Variants in GNB1 observed in about 807,000 individuals in gnomAD.
GNB1 encodes the protein guanine nucleotide-binding protein G(I)/G(S)/G(T) subunit beta-1.
In GNB1, 2 loss-of-function variants were observed where a neutral mutation model predicts 42.9. That is an observed-to-expected ratio of 0.05 (90% confidence interval 0.02 to 0.15). The LOEUF (loss-of-function observed/expected upper bound fraction) is 0.15. Ranked by LOEUF, GNB1 falls within the 10% of genes least tolerant of loss-of-function variation. The pLI, the probability that GNB1 is intolerant of heterozygous loss-of-function variation, is 1.00. For missense variants in GNB1, 193 were observed against 462.2 expected, an observed-to-expected ratio of 0.42 and a Z score of 5.34; for synonymous variants, 183 against 174.7, an observed-to-expected ratio of 1.05 and a Z score of -0.38.
chr1:1,793,102 CTA>C, intron 8 of GNB1, 141 bp downstream of exon 8: 1 of 498,450 alleles, frequency 2.0e-6, no homozygotes. Context: ...CACATTGCTA[CTA>C]TGTGTTTTAA....
chr1:1,823,383 T>G (rs960819570), intron 3 of GNB1, among the ~76,000 whole-genome samples: 3 of 152,150 alleles, frequency 2.0e-5, no homozygotes, highest in Non-Finnish European at 4.4e-5. Flanking sequence ...ACTTTGCTTT[T>G]CTTTTTTACT....
At chr1:1,870,376 A>G (rs1251666828) in intron 1 of GNB1, among the ~76,000 whole-genome samples, 1 of 152,198 alleles carries the variant, frequency 6.6e-6, no homozygotes, top group East Asian at 1.9e-4. Flanking sequence ...GTCTCACTAC[A>G]TTGTGCCCAG....
chr1:1,842,449 A>C (rs1647281833), intron 1 of GNB1, among the ~76,000 whole-genome samples: 1 of 151,888 alleles, frequency 6.6e-6, no homozygotes, highest in Non-Finnish European at 1.5e-5. Flanking sequence ...AAAAAAAAAA[A>C]AGAAGTCCTG....
At chr1:1,816,776 G>A (rs1303972731) in intron 4 of GNB1, among the ~76,000 whole-genome samples, 2 of 151,268 alleles carry the variant, frequency 1.3e-5, no homozygotes, top group Non-Finnish European at 2.9e-5. Context: ...AGCCCCCTGA[G>A]TAGCTGGGAT....
intron 1 of GNB1, among the ~76,000 whole-genome samples, chr1:1,877,718 C>G (rs1054897511): frequency 3.9e-5 from 6 of 151,950 alleles, no homozygotes; most frequent in Non-Finnish European, 7.4e-5. Flanking sequence ...ACAACAGGAA[C>G]AAGATCTCCA....
chr1:1,805,541 CA>C (rs1018523403), intron 6 of GNB1, among the ~76,000 whole-genome samples: 2 of 151,972 alleles, frequency 1.3e-5, no homozygotes, highest in East Asian at 1.9e-4. Flanking sequence ...CATCTGAAAA[CA>C]AAAAATTTTT....
intron 1 of GNB1, among the ~76,000 whole-genome samples, chr1:1,866,958 CA>C (rs1361763573): frequency 6.9e-6 from 1 of 143,952 alleles, no homozygotes; most frequent in Admixed American, 7.0e-5. Context: ...CATCTCAAAA[CA>C]AACAAACAAA....
chr1:1,809,951 G>A (rs145223538), intron 5 of GNB1, among the ~76,000 whole-genome samples: 1 of 152,292 alleles, frequency 6.6e-6, no homozygotes, highest in East Asian at 1.9e-4. Flanking sequence ...TTACTCAAAG[G>A]AGGGAGGGTG....
At position 1,787,515 on chromosome 1, in the gene GNB1, C is replaced by A. The variant is rs946068958; in HGVS notation, c.917-78G>T. Reference sequence around the variant, plus strand: ...CCTGTGTGCCATGTTGTGACGAGGACGGATGGTGCATCTCTCATGGGACAA... The same window carrying A: ...CCTGTGTGCCATGTTGTGACGAGGAAGGATGGTGCATCTCTCATGGGACAA... On this transcript the variant is annotated intron_variant, in intron 10 of 11. Transcript: ENST00000378609. This position sits in a 1 kb window ranked among gnomAD's most constrained non-coding sequence, Gnocchi z 4.4. 2 of 844,010 alleles carry A rather than the reference C, an allele frequency of 2.4e-6. No homozygotes were observed. The highest frequency in any genetic ancestry group is 2.0e-5 in the Admixed American group (1 of 49,836). 52.3% of individuals were successfully genotyped at this position (844,010 alleles called of 1,614,324 possible).
chr1:1,871,771 A>G (rs1649263200), intron 1 of GNB1, among the ~76,000 whole-genome samples: 4 of 152,010 alleles, frequency 2.6e-5, no homozygotes, highest in Admixed American at 2.0e-4. Context: ...CACCCTCTAC[A>G]TGTGCAAAGC....
chr1:1,840,235 A>G (rs1647208947), intron 1 of GNB1, among the ~76,000 whole-genome samples: 2 of 86,740 alleles, frequency 2.3e-5, no homozygotes, highest in African/African-American at 8.1e-5. Context: ...CTCGAAAAGA[A>G]AAAAAAAAAA....
intron 7 of GNB1, among the ~76,000 whole-genome samples, chr1:1,801,730 C>CA (rs1193433764): frequency 1.3e-4 from 19 of 151,804 alleles, no homozygotes; most frequent in Non-Finnish European, 2.1e-4. Flanking sequence ...AGGGAACAAC[C>CA]AAAAAACAAA....
At chr1:1,828,073 C>T (rs1647023649) in intron 2 of GNB1, among the ~76,000 whole-genome samples, 1 of 152,108 alleles carries the variant, frequency 6.6e-6, no homozygotes. Flanking sequence ...GTAATCCCAG[C>T]ACTTTGGGAG....
At chr1:1,813,687 C>T (rs1239664834) in intron 5 of GNB1, among the ~76,000 whole-genome samples, 1 of 152,062 alleles carries the variant, frequency 6.6e-6, no homozygotes, top group Non-Finnish European at 1.5e-5. Context: ...GAAGGGGTCT[C>T]GCCATGTGAC....
intron 5 of GNB1, among the ~76,000 whole-genome samples, chr1:1,810,515 G>A (rs1353834384): frequency 5.0e-5 from 6 of 119,950 alleles, no homozygotes; most frequent in Non-Finnish European, 9.7e-5. Flanking sequence ...TAGCCTGGAC[G>A]ACAGAGTGAG....
chr1:1,815,345 T>C (rs1419770040), intron 5 of GNB1, among the ~76,000 whole-genome samples: 9 of 152,074 alleles, frequency 5.9e-5, no homozygotes, highest in Admixed American at 5.9e-4. Context: ...GGTTCTGTGA[T>C]TTCCTGAGCC....
In GNB1 at chr1:1,785,794, G is replaced by T; in HGVS notation, c.*1269C>A. On this transcript the variant is annotated 3_prime_UTR_variant, in exon 12 of 12. Transcript: ENST00000378609. ...CCTCAGAATCCAACAGCAGTCGTTT[G>T]CAACAGAACTTTTTTTTTTTTAAAG... 1.7e-4 allele frequency: 49 copies of T among 286,504 alleles called. No homozygotes were observed. Among genetic ancestry groups the T allele is most frequent in the Middle Eastern group, 9.6e-4 (1 of 1,046 alleles). The allele number at this position is 286,504 out of a possible 1,614,324, so 17.7% of individuals were successfully genotyped here.
chr1:1,789,959 A>C (rs1646460295), intron 9 of GNB1, among the ~76,000 whole-genome samples: 1 of 152,230 alleles, frequency 6.6e-6, no homozygotes. Flanking sequence ...TCAGGACTGC[A>C]GCAGAGCTCT....
chr1:1,878,863 T>C (rs1649689233), intron 1 of GNB1, among the ~76,000 whole-genome samples: 1 of 152,178 alleles, frequency 6.6e-6, no homozygotes, highest in African/African-American at 2.4e-5. Flanking sequence ...CTCACCCCAC[T>C]GGAACTCACT....
Sources: gnomAD v4.1 joint callset for allele counts (sites outside exome capture counted in the v4.1 genomes callset) on GRCh38, gnomAD v4.1.1 for gene constraint, Gnocchi (gnomAD v3.1) non-coding constraint, MANE v1.5 for transcripts, NCBI Gene and HGNC (gene_info 2026-07-23, HGNC 2026-07-21) for gene names.